The following PTGER4 variants were observed in gnomAD, a reference collection of about 807,000 sequenced individuals.
The protein encoded by PTGER4 is prostaglandin E2 receptor EP4 subtype.
A neutral mutation model predicts 33.2 loss-of-function variants in PTGER4; 11 were observed. The observed-to-expected ratio is 0.33, with a 90% CI of 0.21 to 0.55. The LOEUF is 0.55. PTGER4 is among the 20% of genes least tolerant of loss of function. The probability of loss-of-function intolerance (pLI) is 0.92; values close to 1 mark genes in which losing one functional copy is unlikely to be tolerated. For synonymous variants in PTGER4, 275 were observed against 281.5 expected (o/e 0.98, Z 0.23); for missense variants, 481 against 650.2 (o/e 0.74, Z 2.83).
the PTGER4 span, among the ~76,000 whole-genome samples, chr5:40,740,253 T>TTAAGG: frequency 6.6e-6 from 1 of 151,812 alleles, no homozygotes; most frequent in Non-Finnish European, 1.5e-5. Flanking sequence ...CTTTCATTCT[T>TTAAGG]TACTTAGACA....
chr5:40,723,204 A>G, the PTGER4 span, among the ~76,000 whole-genome samples: 1 of 152,106 alleles, frequency 6.6e-6, no homozygotes, highest in Non-Finnish European at 1.5e-5. Context: ...GCGGTGCAAG[A>G]TGTGCTTTGT....
chr5:40,682,683 G>T (rs934117129), intron 2 of PTGER4, among the ~76,000 whole-genome samples: 9 of 152,178 alleles, frequency 5.9e-5, no homozygotes, highest in South Asian at 2.1e-4. Flanking sequence ...ACAACTGTGC[G>T]AGGTACAGTA....
At chr5:40,720,474 A>G in the PTGER4 span, among the ~76,000 whole-genome samples, 3 of 152,222 alleles carry the variant, frequency 2.0e-5, no homozygotes, top group Non-Finnish European at 2.9e-5. Context: ...AAACTTAAAT[A>G]TACATATGTA....
chr5:40,685,521 C>G (rs1202681805), intron 2 of PTGER4: 1 of 955,528 alleles, frequency 1.0e-6, no homozygotes, highest in African/African-American at 1.8e-5. Context: ...TGGATTTGTT[C>G]AAATAAATTT....
At chr5:40,715,276 GTT>G in the PTGER4 span, 2 of 152,114 alleles carry the variant, frequency 1.3e-5, no homozygotes, top group East Asian at 3.8e-4. Flanking sequence ...GAAGTAAGTT[GTT>G]TCCAGGGTTT....
the PTGER4 span, among the ~76,000 whole-genome samples, chr5:40,709,351 C>T: frequency 3.3e-5 from 5 of 152,284 alleles, no homozygotes; most frequent in Middle Eastern, 6.8e-3. Flanking sequence ...GATACAAAAT[C>T]AATGTGCAAA....
At chr5:40,715,436 G>C in the PTGER4 span, 4 of 152,200 alleles carry the variant, frequency 2.6e-5, no homozygotes, top group Admixed American at 2.6e-4. Flanking sequence ...ATTACTTACT[G>C]TAACAATTAA....
rs897167090 is a variant in PTGER4, at chr5:40,691,165, C to T, written c.868-614C>T. Among the ~76,000 whole-genome samples the T allele has an allele frequency of 3.9e-5, 6 of 152,148 alleles. No homozygotes were observed. Among genetic ancestry groups the T allele is most frequent in the Non-Finnish European group, 7.4e-5 (5 of 68,010 alleles). ...CCTCCTGAGTAGCTGGGATTATAGG[C>T]GTGTGCCGCCACACCTGGCTAATTT... On this transcript the variant is annotated intron_variant, in intron 2 of 2. Transcript: ENST00000302472. The surrounding 1 kb of genome is among the most constrained non-coding windows in gnomAD (Gnocchi z 4.2).
chr5:40,703,811 G>A, the PTGER4 span, among the ~76,000 whole-genome samples: 4 of 149,616 alleles, frequency 2.7e-5, no homozygotes, highest in Non-Finnish European at 5.9e-5. Flanking sequence ...GCTGAGGCAG[G>A]AGAATTGCTT....
the PTGER4 span, chr5:40,716,473 A>C: frequency 1.9e-6 from 3 of 1,596,112 alleles, no homozygotes; most frequent in Non-Finnish European, 2.6e-6. Flanking sequence ...ATAGATGTGA[A>C]GGGCTACTTG....
At chr5:40,728,093 C>T in the PTGER4 span, among the ~76,000 whole-genome samples, 1 of 151,836 alleles carries the variant, frequency 6.6e-6, no homozygotes, top group Non-Finnish European at 1.5e-5. Flanking sequence ...ACCAGCCTGA[C>T]TAACATGGTG....
the PTGER4 span, among the ~76,000 whole-genome samples, chr5:40,727,284 T>A: frequency 6.6e-6 from 1 of 152,230 alleles, no homozygotes; most frequent in Non-Finnish European, 1.5e-5. Context: ...AAACCATTTT[T>A]AAAATCTTAA....
Position 40,681,875 on chromosome 5 carries a change from C to T in PTGER4, c.867+15C>T, listed in dbSNP as rs1207153292. On this transcript the variant is annotated intron_variant, in intron 2 of 2. Coordinates refer to ENST00000302472, the MANE Select transcript of PTGER4 (RefSeq NM_000958.3). The surrounding 1 kb of genome is among the most constrained non-coding windows in gnomAD (Gnocchi z 9.8). The stretch of plus-strand genomic sequence containing the variant: ...TCCCGCTCGTGGTGAGTGACCGGGG[C>T]TGGGGCCCTACTCGGCCTTTTTCTC... The T allele has an allele frequency of 6.7e-7, 1 of 1,492,072 alleles. No homozygotes were observed. Among genetic ancestry groups the T allele is most frequent in the Admixed American group, 2.5e-5 (1 of 40,462 alleles). 92.4% of individuals were successfully genotyped at this position (1,492,072 alleles called of 1,614,324 possible). A position where few individuals can be genotyped will look rare whatever the true frequency, so the allele number is the denominator to read the frequency against.
chr5:40,746,598 T>A, the PTGER4 span, among the ~76,000 whole-genome samples: 1 of 152,164 alleles, frequency 6.6e-6, no homozygotes, highest in Admixed American at 6.5e-5. Context: ...TTTTACAAAC[T>A]TTCATTGCAT....
At chr5:40,710,688 CAAT>C in the PTGER4 span, among the ~76,000 whole-genome samples, 2 of 152,120 alleles carry the variant, frequency 1.3e-5, no homozygotes, top group East Asian at 1.9e-4. Context: ...AAATATCCAA[CAAT>C]GATAGACTGG....
chr5:40,724,928 C>T, the PTGER4 span, among the ~76,000 whole-genome samples: 1 of 150,422 alleles, frequency 6.6e-6, no homozygotes, highest in South Asian at 2.1e-4. Flanking sequence ...TCTCAGCTCA[C>T]TGCAACCTCC....
At chr5:40,694,168 A>AG (rs1741535776), downstream of PTGER4, among the ~76,000 whole-genome samples, 1 of 152,128 alleles carries the variant, frequency 6.6e-6, no homozygotes, top group Non-Finnish European at 1.5e-5. Context: ...CTCATGCCTC[A>AG]GCCTCTTGAC....
At chr5:40,719,596 A>G in the PTGER4 span, among the ~76,000 whole-genome samples, 1 of 152,128 alleles carries the variant, frequency 6.6e-6, no homozygotes, top group African/African-American at 2.4e-5. Context: ...TGATAACTAT[A>G]TGTTTCATTT....
In PTGER4 at chr5:40,692,908, C is replaced by T. The variant is rs1380676782; in HGVS notation, c.*530C>T. 2.0e-6 allele frequency: 2 copies of T among 981,256 alleles called. No individual in the cohort carries two copies. Among genetic ancestry groups the T allele is most frequent in the Admixed American group, 6.2e-5 (1 of 16,246 alleles). The allele number at this position is 981,256 out of a possible 1,614,324, so 60.8% of individuals were successfully genotyped here. A position where few individuals can be genotyped will look rare whatever the true frequency, so the allele number is the denominator to read the frequency against. On this transcript the variant is annotated 3_prime_UTR_variant, in exon 3 of 3. Coordinates refer to ENST00000302472, the MANE Select transcript of PTGER4 (RefSeq NM_000958.3). The stretch of plus-strand genomic sequence containing the variant: ...ACAAGGTATAATAAAATTATCGCAA[C>T]CCCTCTCCTTCCAGTATAACCAGCT...
Sources: allele counts gnomAD v4.1 joint callset (sites outside exome capture counted in the v4.1 genomes callset), GRCh38; gene constraint gnomAD v4.1.1; non-coding constraint Gnocchi (gnomAD v3.1); transcripts MANE v1.5; gene names NCBI Gene and HGNC (gene_info 2026-07-23, HGNC 2026-07-21).